FMNL3: variants seen among roughly 807,000 people sequenced by gnomAD.
The protein encoded by FMNL3 is formin-like protein 3.
A neutral mutation model predicts 119.6 loss-of-function variants in FMNL3; 57 were observed. The observed-to-expected ratio is 0.48, with a 90% CI of 0.39 to 0.59. FMNL3 has a LOEUF of 0.59. Ranked by LOEUF, FMNL3 falls within the 20% of genes least tolerant of loss-of-function variation. The pLI, the probability that FMNL3 is intolerant of heterozygous loss-of-function variation, is 0.00. For missense variants in FMNL3, 1,053 were observed against 1,323.5 expected, an observed-to-expected ratio of 0.80 and a Z score of 3.17; for synonymous variants, 491 against 507.3, an observed-to-expected ratio of 0.97 and a Z score of 0.43.
chr12:49,647,127 G>A lies in FMNL3; in HGVS notation c.2872-118C>T. On this transcript the variant is annotated intron_variant, in intron 24 of 25. Transcript: ENST00000335154. This position sits in a 1 kb window ranked among gnomAD's most constrained non-coding sequence, Gnocchi z 4.9. ...TTGTGCACTGCTAGGAATCCCCAAAGGCCCTCCCTCCATCCCTCTGGATGC... is the reference window on the plus strand; with the variant it reads ...TTGTGCACTGCTAGGAATCCCCAAAAGCCCTCCCTCCATCCCTCTGGATGC... 6.4e-7 allele frequency: 1 copy of A among 1,566,762 alleles called. No individual in the cohort carries two copies. Among genetic ancestry groups the A allele is most frequent in the South Asian group, 1.2e-5 (1 of 85,968 alleles).
At chr12:49,705,219 C>T (rs1945015805) in intron 1 of FMNL3, among the ~76,000 whole-genome samples, 1 of 152,190 alleles carries the variant, frequency 6.6e-6, no homozygotes, top group Non-Finnish European at 1.5e-5. Flanking sequence ...AAACAAAAGG[C>T]ATGAGGAAAC....
intron 9 of FMNL3, among the ~76,000 whole-genome samples, chr12:49,656,050 TTAAGTACATATACTCAGG>T (rs1206726692): frequency 6.6e-6 from 1 of 151,974 alleles, no homozygotes; most frequent in Non-Finnish European, 1.5e-5. Context: ...GGGGAGTCAC[TTAAGTACATATACTCAGG>T]CCTCCAGTGG....
At chr12:49,666,782 G>A (rs1943903663) in intron 2 of FMNL3, among the ~76,000 whole-genome samples, 1 of 151,950 alleles carries the variant, frequency 6.6e-6, no homozygotes, top group Non-Finnish European at 1.5e-5. Context: ...GGGCAACAGA[G>A]TGTGATCCCT....
intron 1 of FMNL3, among the ~76,000 whole-genome samples, chr12:49,697,447 G>C (rs1944781152): frequency 6.6e-6 from 1 of 152,172 alleles, no homozygotes; most frequent in East Asian, 1.9e-4. Context: ...CAGTAGGGGT[G>C]CCAATCACAT....
intron 1 of FMNL3, among the ~76,000 whole-genome samples, chr12:49,682,805 G>C (rs1024770442): frequency 4.6e-5 from 7 of 152,114 alleles, no homozygotes; most frequent in Non-Finnish European, 7.4e-5. Context: ...ATAAAATCAA[G>C]AAACCAACAG....
Position 49,665,726 on chromosome 12 carries a change from G to C in FMNL3, c.368+106C>G, listed in dbSNP as rs1042501680. On this transcript the variant is annotated intron_variant, in intron 4 of 25. Transcript: ENST00000335154. The stretch of plus-strand genomic sequence containing the variant: ...ATTCAAGGGGCAACTCTGCCCCATG[G>C]CAGGGAAGATGAACAGGAACACCAT... 1.9e-5 allele frequency: 23 copies of C among 1,204,684 alleles called. No homozygotes were observed. The African/African-American group carries it at 3.0e-4, about 16-fold the overall frequency. 74.6% of individuals were successfully genotyped at this position (1,204,684 alleles called of 1,614,324 possible).
chr12:49,697,848 T>A (rs1281844755), intron 1 of FMNL3, among the ~76,000 whole-genome samples: 1 of 151,664 alleles, frequency 6.6e-6, no homozygotes, highest in African/African-American at 2.4e-5. Flanking sequence ...TTGCCTAAAG[T>A]CGTGCAGCTG....
rs143655504 is a variant in FMNL3, at chr12:49,667,862, C to T, written c.210+609G>A. ...GTAAAAGCCAACTCTCCCAGCCCTG[C>T]ATACAGTCCTGTCTCATTTCACAGA... On this transcript the variant is annotated intron_variant, in intron 2 of 25. Transcript: ENST00000335154. 2.6e-5 allele frequency among the ~76,000 whole-genome samples: 4 copies of T among 152,332 alleles called. No homozygotes were observed. The East Asian group carries it at 5.8e-4, about 22-fold the overall frequency.
Position 49,696,883 on chromosome 12 carries a change from C to T in FMNL3, c.126+10172G>A, listed in dbSNP as rs1944764828. Among the ~76,000 whole-genome samples, 5 of 152,222 alleles carry T rather than the reference C, an allele frequency of 3.3e-5. No individual in the cohort carries two copies. The South Asian group carries it at 1.0e-3, about 32-fold the overall frequency. On this transcript the variant is annotated intron_variant, in intron 1 of 25. Coordinates refer to ENST00000335154, the MANE Select transcript of FMNL3 (RefSeq NM_175736.5). ...TTACCAAGGATCAAGAGTACTAAAA[C>T]TGTATCAAGGAGTTCCTGCAGTAGA...
intron 3 of FMNL3, 54 bp downstream of exon 3, chr12:49,666,073 C>T: frequency 1.3e-6 from 2 of 1,583,598 alleles, no homozygotes; most frequent in South Asian, 2.2e-5. Flanking sequence ...TGCCCCCAAA[C>T]CCCACAGGAC....
intron 3 of FMNL3, 51 bp from the exon 4 acceptor site, chr12:49,665,959 T>C (rs2138850107): frequency 6.3e-7 from 1 of 1,595,636 alleles, no homozygotes; most frequent in Non-Finnish European, 8.6e-7. Context: ...GTTATAGACT[T>C]TCCCTCCATT....
intron 4 of FMNL3, 75 bp downstream of exon 4, chr12:49,665,757 G>A: frequency 6.9e-7 from 1 of 1,454,306 alleles, no homozygotes; most frequent in Non-Finnish European, 9.7e-7. Flanking sequence ...ACCATCCTCA[G>A]AGGACACCAG....
intron 17 of FMNL3, 37 bp downstream of exon 17, chr12:49,650,639 A>G (rs759022042): frequency 1.2e-6 from 2 of 1,607,492 alleles, no homozygotes. Flanking sequence ...GGTTGCCAAC[A>G]GACTAGGGAC....
Position 49,643,424 on chromosome 12 carries a change from C to T in FMNL3, c.*2391G>A. On this transcript the variant is annotated 3_prime_UTR_variant, in exon 26 of 26. Transcript: ENST00000335154. ...TAAGCAGTTGCTGTGAGCGTAGAAG[C>T]TGGAGAACTGTTGTCCCAGACTGAG... 2 of 1,531,940 alleles carry T rather than the reference C, an allele frequency of 1.3e-6. No individual in the cohort carries two copies. Among genetic ancestry groups the T allele is most frequent in the Non-Finnish European group, 8.8e-7 (1 of 1,142,140 alleles). 94.9% of individuals were successfully genotyped at this position (1,531,940 alleles called of 1,614,324 possible). A position where few individuals can be genotyped will look rare whatever the true frequency, so the allele number is the denominator to read the frequency against.
In FMNL3 at chr12:49,681,094, T is replaced by G. The variant is rs184804334; in HGVS notation, c.127-12540A>C. On this transcript the variant is annotated intron_variant, in intron 1 of 25. Transcript: ENST00000335154. The stretch of plus-strand genomic sequence containing the variant: ...AGTATGAGTATGTGTGCTGAACATC[T>G]GAAGTTCAAGGCTTCACAGAGTAAG... Among the ~76,000 whole-genome samples, 133 of 152,378 alleles carry G rather than the reference T, an allele frequency of 8.7e-4. 1 individual carries two copies. Among genetic ancestry groups the G allele is most frequent in the African/African-American group, 2.9e-3 (120 of 41,584 alleles).
At chr12:49,669,588 T>G (rs1160352914) in intron 1 of FMNL3, among the ~76,000 whole-genome samples, 1 of 152,168 alleles carries the variant, frequency 6.6e-6, no homozygotes, top group South Asian at 2.1e-4. Context: ...TCCCAGCACT[T>G]TGGGAGGCCG....
chr12:49,688,653 T>C (rs531037129), intron 1 of FMNL3: 15 of 392,274 alleles, frequency 3.8e-5, no homozygotes, highest in African/African-American at 1.9e-4. Flanking sequence ...AAGAAACTGC[T>C]AAGAAGTCCA....
intron 1 of FMNL3, among the ~76,000 whole-genome samples, chr12:49,673,539 T>C (rs976070260): frequency 3.3e-5 from 5 of 152,272 alleles, no homozygotes; most frequent in African/African-American, 1.2e-4. Context: ...ATGTCTCTAC[T>C]GGTGGGCAGT....
At position 49,642,198 on chromosome 12, in the gene FMNL3, C is replaced by G; in HGVS notation, c.*3617G>C. On this transcript the variant is annotated 3_prime_UTR_variant, in exon 26 of 26. Coordinates refer to ENST00000335154, the MANE Select transcript of FMNL3 (RefSeq NM_175736.5). This position sits in a 1 kb window ranked among gnomAD's most constrained non-coding sequence, Gnocchi z 5.8. Reference sequence around the variant, plus strand: ...CTGAGTGGGACCTGGCATCCACCCTCCTGGGTGACCCTGTTCCGTGTCCCT... The same window carrying G: ...CTGAGTGGGACCTGGCATCCACCCTGCTGGGTGACCCTGTTCCGTGTCCCT... The G allele has an allele frequency of 1.2e-6, 2 of 1,613,954 alleles. No homozygotes were observed. The highest frequency in any genetic ancestry group is 3.3e-4 in the Middle Eastern group (2 of 6,062).
Sources: gnomAD v4.1 joint callset for allele counts (sites outside exome capture counted in the v4.1 genomes callset) on GRCh38, gnomAD v4.1.1 for gene constraint, Gnocchi (gnomAD v3.1) non-coding constraint, MANE v1.5 for transcripts, NCBI Gene and HGNC (gene_info 2026-07-23, HGNC 2026-07-21) for gene names.